The following IQCK variants were observed in gnomAD, a reference collection of about 807,000 sequenced individuals.
The protein encoded by IQCK is IQ motif containing K.
In IQCK, 29 loss-of-function variants were observed where a neutral mutation model predicts 28.1. The ratio of observed to expected loss-of-function variants is 1.03; its 90% CI spans 0.77 to 1.41. The LOEUF (loss-of-function observed/expected upper bound fraction) is 1.41, where lower values mean the gene tolerates loss of function less well. IQCK is among the 40% of genes most tolerant of loss of function. IQCK has a pLI of 0.00. For missense variants in IQCK, 359 were observed against 314.7 expected, an observed-to-expected ratio of 1.14 and a Z score of -1.07; for synonymous variants, 113 against 115.1, an observed-to-expected ratio of 0.98 and a Z score of 0.12.
intron 6 of IQCK, among the ~76,000 whole-genome samples, chr16:19,768,475 A>T (rs538083011): frequency 6.6e-6 from 1 of 152,270 alleles, no homozygotes; most frequent in South Asian, 2.1e-4. Flanking sequence ...GGCTGGGTGC[A>T]GTGGCTGACA....
At chr16:19,784,066 C>G (rs1234811588) in intron 6 of IQCK, among the ~76,000 whole-genome samples, 1 of 152,162 alleles carries the variant, frequency 6.6e-6, no homozygotes, top group African/African-American at 2.4e-5. Context: ...AATCTCCCCT[C>G]CAACACAAGT....
chr16:19,718,642 CTG>C (rs1349494489), intron 1 of IQCK, among the ~76,000 whole-genome samples, 155 bp downstream of exon 1: 3 of 152,218 alleles, frequency 2.0e-5, no homozygotes, highest in African/African-American at 7.2e-5. Context: ...CATGGGGAAA[CTG>C]AGGCTCGGAG....
chr16:19,760,103 G>C (rs1244097771), intron 4 of IQCK, among the ~76,000 whole-genome samples: 1 of 152,148 alleles, frequency 6.6e-6, no homozygotes, highest in Non-Finnish European at 1.5e-5. Flanking sequence ...CAGCCTGGGT[G>C]ACAGAGAGAG....
intron 4 of IQCK, among the ~76,000 whole-genome samples, chr16:19,746,153 CA>C (rs1163809152): frequency 0.068 from 3,958 of 57,982 alleles, 112 homozygotes; most frequent in African/African-American, 0.18. Context: ...GACTATGTCT[CA>C]AAAAAAAAAA....
chr16:19,815,391 T>C (rs2055972872), intron 7 of IQCK, among the ~76,000 whole-genome samples: 1 of 152,184 alleles, frequency 6.6e-6, no homozygotes. Context: ...TGGCTTATGC[T>C]GATAATCCCA....
chr16:19,762,609 A>G (rs1036028018), intron 4 of IQCK, among the ~76,000 whole-genome samples: 1 of 152,164 alleles, frequency 6.6e-6, no homozygotes, highest in African/African-American at 2.4e-5. Flanking sequence ...CATCTAACAC[A>G]AGCAATCAAT....
At chr16:19,768,542 TTTGAGAC>T (rs2055274582) in intron 6 of IQCK, among the ~76,000 whole-genome samples, 1 of 151,972 alleles carries the variant, frequency 6.6e-6, no homozygotes, top group Non-Finnish European at 1.5e-5. Context: ...AAGTCAAGAG[TTTGAGAC>T]TAGCCTGGCC....
At chr16:19,756,652 C>T (rs569887362) in intron 4 of IQCK, among the ~76,000 whole-genome samples, 36 of 152,080 alleles carry the variant, frequency 2.4e-4, no homozygotes, top group African/African-American at 6.7e-4. Context: ...TTTGGGAGGC[C>T]GAGGCCAGCG....
intron 9 of IQCK, among the ~76,000 whole-genome samples, chr16:19,855,917 T>C (rs1396257540): frequency 6.6e-6 from 1 of 152,174 alleles, no homozygotes; most frequent in East Asian, 1.9e-4. Context: ...CCATATTTAA[T>C]TGGGGAGAGG....
At chr16:19,827,490 C>G (rs2056164423), downstream of IQCK, among the ~76,000 whole-genome samples, 1 of 152,152 alleles carries the variant, frequency 6.6e-6, no homozygotes, top group Non-Finnish European at 1.5e-5. Context: ...GATTGTGTGT[C>G]TGAACTCAGA....
intron 2 of IQCK, among the ~76,000 whole-genome samples, 180 bp downstream of exon 2, chr16:19,730,674 C>T (rs1338948921): frequency 1.3e-5 from 2 of 152,198 alleles, no homozygotes; most frequent in African/African-American, 4.8e-5. Flanking sequence ...ACTTAGAGGG[C>T]ATCACATAAC....
At position 19,735,606 on chromosome 16, in the gene IQCK, C is replaced by T. The variant is rs530391197; in HGVS notation, c.474+156C>T. On this transcript the variant is annotated intron_variant, in intron 4 of 7. Coordinates refer to ENST00000564186, the Ensembl canonical transcript of IQCK. ...GGGGTCACTTACCCAGTTCCAGCCA[C>T]ACCATCTAGTTGTGCACATACATGC... The T allele has an allele frequency of 1.8e-4, 117 of 645,850 alleles. No homozygotes were observed. In the South Asian group the frequency reaches 1.9e-3, roughly 10 times the overall value. 40.0% of individuals were successfully genotyped at this position (645,850 alleles called of 1,614,324 possible). A position where few individuals can be genotyped will look rare whatever the true frequency, so the allele number is the denominator to read the frequency against.
At chr16:19,814,674 A>T (rs569742163) in intron 7 of IQCK, among the ~76,000 whole-genome samples, 1 of 152,236 alleles carries the variant, frequency 6.6e-6, no homozygotes, top group South Asian at 2.1e-4. Context: ...GGCTGAAAAT[A>T]ATGAGATGGG....
chr16:19,827,850 G>A (rs1028154946), downstream of IQCK, among the ~76,000 whole-genome samples: 3 of 151,952 alleles, frequency 2.0e-5, no homozygotes, highest in Non-Finnish European at 4.4e-5. Flanking sequence ...GACTTCCTAG[G>A]TCTCTAGCTT....
chr16:19,821,977 G>A (rs1467800838), intron 7 of IQCK, among the ~76,000 whole-genome samples: 5 of 147,026 alleles, frequency 3.4e-5, no homozygotes, highest in Admixed American at 1.4e-4. Flanking sequence ...GAGGTGAGAG[G>A]ATTGCTTGAC....
chr16:19,838,336 G>A (rs1488457616), intron 9 of IQCK, among the ~76,000 whole-genome samples: 2 of 152,122 alleles, frequency 1.3e-5, no homozygotes, highest in Non-Finnish European at 2.9e-5. Flanking sequence ...GCATGAATTC[G>A]GTATTTGGCA....
chr16:19,840,020 A>G (rs1350897404), intron 9 of IQCK, among the ~76,000 whole-genome samples: 7 of 150,406 alleles, frequency 4.7e-5, no homozygotes, highest in African/African-American at 1.7e-4. Flanking sequence ...TAAAGCAAAC[A>G]GAACTGTTTC....
chr16:19,741,093 A>T (rs1286237393), intron 4 of IQCK, among the ~76,000 whole-genome samples: 1 of 152,156 alleles, frequency 6.6e-6, no homozygotes, highest in Admixed American at 6.6e-5. Flanking sequence ...ACCCCAGGGC[A>T]CACTGAGGGG....
chr16:19,731,762 C>T (rs578027321), intron 2 of IQCK, among the ~76,000 whole-genome samples: 12 of 152,274 alleles, frequency 7.9e-5, no homozygotes, highest in African/African-American at 2.6e-4. Flanking sequence ...TTGGCTCACA[C>T]GATTACGGAG....
Sources: allele counts gnomAD v4.1 joint callset (sites outside exome capture counted in the v4.1 genomes callset), GRCh38; gene constraint gnomAD v4.1.1; transcripts MANE v1.5; gene names NCBI Gene and HGNC (gene_info 2026-07-23, HGNC 2026-07-21).